Variants in MYO18A observed in about 807,000 individuals in gnomAD.
MYO18A encodes unconventional myosin-XVIIIa.
In MYO18A, 78 loss-of-function variants were observed where a neutral mutation model predicts 235.8. That is an observed-to-expected ratio of 0.33 (90% CI 0.28 to 0.40). The LOEUF (loss-of-function observed/expected upper bound fraction) is 0.40, where lower values mean the gene tolerates loss of function less well. Ranked by LOEUF, MYO18A falls within the 10% of genes least tolerant of loss-of-function variation. The pLI, the probability that MYO18A is intolerant of heterozygous loss-of-function variation, is 1.00. For missense variants in MYO18A, 2,215 were observed against 2,699.3 expected (o/e 0.82, Z 3.98); for synonymous variants, 977 against 1,077.8 (o/e 0.91, Z 1.83).
intron 2 of MYO18A, among the ~76,000 whole-genome samples, chr17:29,135,300 C>T (rs1260038146): frequency 6.6e-6 from 1 of 152,080 alleles, no homozygotes. Flanking sequence ...GGCAGGGTTT[C>T]ACCGTGTGAG....
rs1317477697 is a variant in MYO18A at position 29,074,860 on chromosome 17, G to T, written c.6075C>A (p.Asp2025Glu). The change falls in exon 42 of 42, where the codon GAC (aspartate) becomes GAA (glutamate). Residue 2025 changes from aspartate to glutamate, a missense_variant. Asp to Glu is a conservative substitution (Grantham distance 45). Transcript: ENST00000527372. This position sits in a 1 kb window ranked among gnomAD's most constrained non-coding sequence, Gnocchi z 4.4. ...GCGGTCTGGAGGTGTTGTCGAGAGGGTCGTGCTCATCATCTGACCGATCAG... is the reference window on the plus strand; with the variant it reads ...GCGGTCTGGAGGTGTTGTCGAGAGGTTCGTGCTCATCATCTGACCGATCAG... ...LAPDRSDDEH[D>E]PLDNTSRPRY... 1.9e-6 allele frequency: 3 copies of T among 1,613,978 alleles called. No individual in the cohort carries two copies. Among genetic ancestry groups the T allele is most frequent in the South Asian group, 1.1e-5 (1 of 91,080 alleles).
intron 2 of MYO18A, among the ~76,000 whole-genome samples, chr17:29,146,497 T>TG (rs1174768232): frequency 2.0e-5 from 3 of 152,192 alleles, no homozygotes; most frequent in Admixed American, 6.5e-5. Context: ...TTTTCCCCTC[T>TG]GGGGACCCAC....
intron 2 of MYO18A, among the ~76,000 whole-genome samples, chr17:29,154,121 T>TGTGTGTGTGTGTGTGC (rs142430455): frequency 9.3e-4 from 138 of 149,104 alleles, no homozygotes; most frequent in African/African-American, 3.4e-3. Context: ...TGTGTGTGTG[T>TGTGTGTGTGTGTGTGC]GCGCGCGCGT....
At chr17:29,089,398 C>T (rs1483526416) in intron 37 of MYO18A, among the ~76,000 whole-genome samples, 16 of 106,162 alleles carry the variant, frequency 1.5e-4, no homozygotes, top group East Asian at 9.7e-4. Flanking sequence ...TCAAGCCTGG[C>T]GACAGAGTGA....
At chr17:29,147,618 G>A (rs1329618482) in intron 2 of MYO18A, among the ~76,000 whole-genome samples, 2 of 150,486 alleles carry the variant, frequency 1.3e-5, no homozygotes, top group African/African-American at 4.9e-5. Flanking sequence ...GAAAGTCAAG[G>A]TAGTCAGGCA....
chr17:29,081,807 G>C (rs1171778010), intron 41 of MYO18A, among the ~76,000 whole-genome samples: 1 of 152,162 alleles, frequency 6.6e-6, no homozygotes, highest in East Asian at 1.9e-4. Context: ...ATGGGTATTA[G>C]GAGGAAAGAA....
At position 29,114,051 on chromosome 17, in the gene MYO18A, T is replaced by C. The variant is rs755037552; in HGVS notation, c.2558A>G (p.Asp853Gly). 2.4e-5 allele frequency: 38 copies of C among 1,604,030 alleles called. No individual in the cohort carries two copies. Among genetic ancestry groups the C allele is most frequent in the Non-Finnish European group, 3.1e-5 (36 of 1,175,670 alleles). ...AFDDLEPPTD[D>G]SVAAVDQASH... Reference sequence around the variant, plus strand: ...GGCCTGGTCCACAGCAGCCACAGAGTCATCCGTCGGGGGTTCCAAGTCGTC... The same window carrying C: ...GGCCTGGTCCACAGCAGCCACAGAGCCATCCGTCGGGGGTTCCAAGTCGTC... The change falls in exon 15 of 42, where the codon GAC (aspartate) becomes GGC (glycine). Residue 853 changes from aspartate (D) to glycine (G), a missense_variant. Asp to Gly is a moderately conservative substitution (Grantham distance 94). Coordinates refer to ENST00000527372, the MANE Select transcript of MYO18A (RefSeq NM_078471.4).
At position 29,074,003 on chromosome 17, in the gene MYO18A, G is replaced by C. The variant is rs1392340839; in HGVS notation, c.*767C>G. The C allele has an allele frequency of 1.2e-6, 2 of 1,613,702 alleles. No homozygotes were observed. The highest frequency in any genetic ancestry group is 1.3e-5 in the African/African-American group (1 of 74,792). Reference sequence around the variant, plus strand: ...ATTGCACATAACACGCTGAGACAAAGAGGGTGGGGTGGGGGCTGGAGGTGC... The same window carrying C: ...ATTGCACATAACACGCTGAGACAAACAGGGTGGGGTGGGGGCTGGAGGTGC... On this transcript the variant is annotated 3_prime_UTR_variant, in exon 42 of 42. Transcript: ENST00000527372. This position sits in a 1 kb window ranked among gnomAD's most constrained non-coding sequence, Gnocchi z 4.4.
Position 29,121,859 on chromosome 17 carries a change from C to T in MYO18A, c.1186G>A (p.Val396Ile), listed in dbSNP as rs373443144. Residue 396 changes from valine to isoleucine, a missense_variant, in exon 4 of 42, where the codon GTT (valine) becomes ATT (isoleucine). Coordinates refer to ENST00000527372, the MANE Select transcript of MYO18A (RefSeq NM_078471.4). The surrounding 1 kb of genome is among the most constrained non-coding windows in gnomAD (Gnocchi z 4.2). ...GAILDVDEDD[V>I]EKANAPSCDR... ...GCCCCCTGCCCACCTACCTTCTCAA[C>T]GTCATCCTCATCCACATCCAGGATG... 145 of 1,613,680 alleles carry T rather than the reference C, an allele frequency of 9.0e-5. No individual in the cohort carries two copies. The highest frequency in any genetic ancestry group is 8.2e-4 in the Middle Eastern group (5 of 6,084).
In MYO18A at chr17:29,118,340, C is replaced by A. The variant is rs1364918848; in HGVS notation, c.1893+37G>T. On this transcript the variant is annotated intron_variant, in intron 9 of 41. Transcript: ENST00000527372. This position sits in a 1 kb window ranked among gnomAD's most constrained non-coding sequence, Gnocchi z 4.2. ...ATGGAGGCTTCTCCTACCCCCAAGG[C>A]CCAGGGCTGGCAACCCAGACCCCAC... is the stretch of plus-strand genomic sequence containing the variant. 6.3e-7 allele frequency: 1 copy of A among 1,588,150 alleles called. No individual in the cohort carries two copies. The highest frequency in any genetic ancestry group is 2.3e-5 in the East Asian group (1 of 44,122).
chr17:29,087,708 G>A (rs891109028), intron 37 of MYO18A, among the ~76,000 whole-genome samples: 10 of 152,290 alleles, frequency 6.6e-5, no homozygotes, highest in Middle Eastern at 3.4e-3. Context: ...GCATCTGCTT[G>A]TAATCCTGGT....
intron 15 of MYO18A, among the ~76,000 whole-genome samples, 178 bp from the exon 16 acceptor site, chr17:29,112,041 G>A: frequency 6.6e-6 from 1 of 152,216 alleles, no homozygotes; most frequent in East Asian, 1.9e-4. Context: ...GGGCAGCCCG[G>A]GGAAAGGGGA....
chr17:29,098,737 G>A, intron 23 of MYO18A, 89 bp downstream of exon 23: 2 of 1,515,154 alleles, frequency 1.3e-6, no homozygotes, highest in Middle Eastern at 1.8e-4. Context: ...CAGCTCTCTG[G>A]ACTAAACGAA....
intron 2 of MYO18A, among the ~76,000 whole-genome samples, chr17:29,130,937 G>A (rs535449652): frequency 2.6e-5 from 4 of 152,300 alleles, no homozygotes; most frequent in South Asian, 2.1e-4. Context: ...GTCCCTCCAT[G>A]CCTTTGCCTT....
chr17:29,164,859 C>T (rs757281903), intron 2 of MYO18A, among the ~76,000 whole-genome samples: 18 of 151,872 alleles, frequency 1.2e-4, no homozygotes, highest in Non-Finnish European at 2.4e-4. Flanking sequence ...TCTTTTTGCG[C>T]GGGCAGCTGG....
intron 40 of MYO18A, among the ~76,000 whole-genome samples, chr17:29,084,969 G>A (rs952506966): frequency 1.4e-4 from 21 of 152,104 alleles, no homozygotes; most frequent in African/African-American, 5.1e-4. Context: ...ACCAGCACAA[G>A]CGCCCGCTGG....
Position 29,114,043 on chromosome 17 carries a change from C to T in MYO18A, c.2566G>A (p.Ala856Thr). 2.5e-6 allele frequency: 4 copies of T among 1,603,618 alleles called. No individual in the cohort carries two copies. The East Asian group carries it at 6.8e-5, about 27-fold the overall frequency. The change falls in exon 15 of 42, where the codon GCT becomes ACT. Residue 856 changes from alanine (A) to threonine (T), a missense_variant. Coordinates refer to ENST00000527372, the MANE Select transcript of MYO18A (RefSeq NM_078471.4). The part of the protein sequence containing the change: ...DLEPPTDDSV[A>T]AVDQASHQSL... ...TGATGGGAGGCCTGGTCCACAGCAG[C>T]CACAGAGTCATCCGTCGGGGGTTCC... is the stretch of plus-strand genomic sequence containing the variant.
intron 21 of MYO18A, among the ~76,000 whole-genome samples, chr17:29,101,100 C>A (rs541562306): frequency 6.6e-6 from 1 of 152,240 alleles, no homozygotes; most frequent in South Asian, 2.1e-4. Flanking sequence ...CAGGCTTAAG[C>A]TATCGTCCCA....
In MYO18A at chr17:29,125,622, G is replaced by C. The variant is rs1268340080; in HGVS notation, c.1000-3369C>G. ...GGCCCTGACACCAACACATGTCCTC[G>C]AGGCAGGACAATGTGGCCAGAGAAA... is the stretch of plus-strand genomic sequence containing the variant. On this transcript the variant is annotated intron_variant, in intron 2 of 41. Coordinates refer to ENST00000527372, the MANE Select transcript of MYO18A (RefSeq NM_078471.4). This position sits in a 1 kb window ranked among gnomAD's most constrained non-coding sequence, Gnocchi z 5.1. Among the ~76,000 whole-genome samples, 1 of 152,204 alleles carries C rather than the reference G, an allele frequency of 6.6e-6. No homozygotes were observed. The highest frequency in any genetic ancestry group is 1.5e-5 in the Non-Finnish European group (1 of 68,038).
Sources: gnomAD v4.1 joint callset for allele counts (sites outside exome capture counted in the v4.1 genomes callset) on GRCh38, gnomAD v4.1.1 for gene constraint, Gnocchi (gnomAD v3.1) non-coding constraint, MANE v1.5 for transcripts, NCBI Gene and HGNC (gene_info 2026-07-23, HGNC 2026-07-21) for gene names.